EPB41L4A: variants seen among roughly 807,000 people sequenced by gnomAD.
The protein encoded by EPB41L4A is band 4.1-like protein 4A.
A neutral mutation model predicts 108.6 loss-of-function variants in EPB41L4A; 100 were observed. The observed-to-expected ratio is 0.92, with a 90% CI of 0.78 to 1.09. EPB41L4A has a LOEUF of 1.09. Ranked by LOEUF, EPB41L4A falls within the 50% of genes least tolerant of loss-of-function variation. The probability of loss-of-function intolerance (pLI) is 0.00; values close to 1 mark genes in which losing one functional copy is unlikely to be tolerated. For synonymous variants in EPB41L4A, 319 were observed against 289.0 expected (o/e 1.10, Z -1.05); for missense variants, 1,030 against 842.7 (o/e 1.22, Z -2.75).
At chr5:112,194,092 T>C (rs759751465) in intron 17 of EPB41L4A, among the ~76,000 whole-genome samples, 10 of 152,186 alleles carry the variant, frequency 6.6e-5, no homozygotes, top group Non-Finnish European at 1.3e-4. Flanking sequence ...CTTACATATA[T>C]GGAATGTCAG....
chr5:112,242,674 G>A (rs1411609174), intron 9 of EPB41L4A, among the ~76,000 whole-genome samples: 1 of 152,154 alleles, frequency 6.6e-6, no homozygotes, highest in Admixed American at 6.5e-5. Flanking sequence ...ATCCATTAGA[G>A]AAATCATTAT....
At chr5:112,172,947 T>C (rs961575589) in intron 18 of EPB41L4A, among the ~76,000 whole-genome samples, 1 of 152,192 alleles carries the variant, frequency 6.6e-6, no homozygotes, top group Non-Finnish European at 1.5e-5. Context: ...TGTAGCATGA[T>C]CAGTAGCACC....
intron 1 of EPB41L4A, among the ~76,000 whole-genome samples, chr5:112,365,294 A>G (rs1289972610): frequency 6.6e-6 from 1 of 152,184 alleles, no homozygotes. Context: ...TCAAACTCCT[A>G]GACTGTAATC....
At chr5:112,266,840 T>C (rs945306613) in intron 4 of EPB41L4A, among the ~76,000 whole-genome samples, 2 of 152,252 alleles carry the variant, frequency 1.3e-5, no homozygotes, top group Non-Finnish European at 2.9e-5. Context: ...AAACCTGTTA[T>C]AATAGTAATG....
At chr5:112,339,532 A>C (rs375271268) in intron 1 of EPB41L4A, among the ~76,000 whole-genome samples, 2 of 17,742 alleles carry the variant, frequency 1.1e-4, no homozygotes, top group Non-Finnish European at 1.5e-4. Context: ...ATATATCTAT[A>C]TATATATATA....
At chr5:112,188,480 C>G (rs1282356364) in intron 17 of EPB41L4A, among the ~76,000 whole-genome samples, 4 of 152,100 alleles carry the variant, frequency 2.6e-5, no homozygotes, top group Non-Finnish European at 1.5e-5. Flanking sequence ...CCTATTTTGC[C>G]CTCACTCAGT....
rs556099550 is a variant in EPB41L4A at position 112,268,773 on chromosome 5, G to C, written c.336-2443C>G. The stretch of plus-strand genomic sequence containing the variant: ...CAGGAGGATCGTCTGAGCCCAGAAG[G>C]TTGAGGTTGCAGTGAACCATAACTG... On this transcript the variant is annotated intron_variant, in intron 4 of 22. Transcript: ENST00000261486. Among the ~76,000 whole-genome samples, 12 of 144,288 alleles carry C rather than the reference G, an allele frequency of 8.3e-5. No individual in the cohort carries two copies. The South Asian group carries it at 2.6e-3, about 31-fold the overall frequency. 94.7% of individuals were successfully genotyped at this position (144,288 alleles called of 152,430 possible).
chr5:112,409,530 A>C (rs185467971), intron 1 of EPB41L4A, among the ~76,000 whole-genome samples: 61 of 152,294 alleles, frequency 4.0e-4, no homozygotes, highest in Non-Finnish European at 2.8e-4. Context: ...TAAATAAGAA[A>C]TTGAGGAGTC....
intron 20 of EPB41L4A, chr5:112,169,873 T>G (rs1355792387): frequency 1.1e-5 from 2 of 179,858 alleles, no homozygotes; most frequent in Non-Finnish European, 2.3e-5. Flanking sequence ...CCTCTTACAC[T>G]GGTGACTAAG....
At chr5:112,338,093 T>C (rs974135976) in intron 1 of EPB41L4A, among the ~76,000 whole-genome samples, 1 of 152,148 alleles carries the variant, frequency 6.6e-6, no homozygotes, top group Admixed American at 6.5e-5. Context: ...CAAAATGCCA[T>C]GTGTCACCTT....
At chr5:112,323,140 G>C (rs1217772687) in intron 1 of EPB41L4A, among the ~76,000 whole-genome samples, 1 of 152,038 alleles carries the variant, frequency 6.6e-6, no homozygotes, top group Non-Finnish European at 1.5e-5. Flanking sequence ...GATGTAACCA[G>C]AAGACAAAAC....
intron 9 of EPB41L4A, among the ~76,000 whole-genome samples, chr5:112,252,636 G>C (rs1169161614): frequency 6.6e-6 from 1 of 152,014 alleles, no homozygotes; most frequent in African/African-American, 2.4e-5. Context: ...TTATAAGTGG[G>C]AACTAAACAT....
At chr5:112,390,409 C>A (rs930081844) in intron 1 of EPB41L4A, among the ~76,000 whole-genome samples, 8 of 152,210 alleles carry the variant, frequency 5.3e-5, no homozygotes, top group Non-Finnish European at 7.3e-5. Context: ...GCACCTGGCT[C>A]AGTGGGTCTC....
At chr5:112,297,502 G>A (rs949793757) in intron 2 of EPB41L4A, among the ~76,000 whole-genome samples, 4 of 151,924 alleles carry the variant, frequency 2.6e-5, no homozygotes, top group Non-Finnish European at 4.4e-5. Context: ...TTTCTTATTT[G>A]TTTGAGTTCC....
At chr5:112,397,401 T>G (rs1761430681) in intron 1 of EPB41L4A, among the ~76,000 whole-genome samples, 2 of 152,206 alleles carry the variant, frequency 1.3e-5, no homozygotes, top group Admixed American at 6.6e-5. Context: ...GTCTTAAAAA[T>G]GTACACAGTA....
At chr5:112,394,145 C>G (rs906367674) in intron 1 of EPB41L4A, among the ~76,000 whole-genome samples, 5 of 152,108 alleles carry the variant, frequency 3.3e-5, no homozygotes, top group African/African-American at 1.2e-4. Flanking sequence ...ACTGAATGGG[C>G]AAAAACTGGA....
chr5:112,187,628 A>T (rs1761491404), intron 17 of EPB41L4A, among the ~76,000 whole-genome samples: 1 of 152,190 alleles, frequency 6.6e-6, no homozygotes, highest in African/African-American at 2.4e-5. Flanking sequence ...TTCCTGTCTT[A>T]CCAATTACAG....
intron 2 of EPB41L4A, among the ~76,000 whole-genome samples, chr5:112,290,009 T>C (rs934959497): frequency 5.9e-5 from 9 of 152,188 alleles, no homozygotes; most frequent in African/African-American, 2.2e-4. Flanking sequence ...TGCATGCCCT[T>C]TATGTCTTCA....
At chr5:112,213,253 C>T (rs751518132) in intron 12 of EPB41L4A, among the ~76,000 whole-genome samples, 17 of 151,884 alleles carry the variant, frequency 1.1e-4, no homozygotes, top group Non-Finnish European at 4.4e-5. Context: ...CCACTGTAGA[C>T]GAGATAAGGT....
Sources: allele counts gnomAD v4.1 joint callset (sites outside exome capture counted in the v4.1 genomes callset), GRCh38; gene constraint gnomAD v4.1.1; transcripts MANE v1.5; gene names NCBI Gene and HGNC (gene_info 2026-07-23, HGNC 2026-07-21).